Variants in DPPA2 observed in about 807,000 individuals in gnomAD.
The protein encoded by DPPA2 is developmental pluripotency-associated protein 2.
In DPPA2, 26 loss-of-function variants were observed where a neutral mutation model predicts 36.2. That is an observed-to-expected ratio of 0.72 (90% CI 0.53 to 1.00). The LOEUF is 1.00. DPPA2 is among the 50% of genes least tolerant of loss of function. The pLI is 0.00. For missense variants in DPPA2, 361 were observed against 365.1 expected (o/e 0.99, Z 0.09); for synonymous variants, 113 against 123.2 (o/e 0.92, Z 0.55).
At chr3:109,300,283 CAG>C in intron 8 of DPPA2, 86 bp downstream of exon 8, 2 of 1,055,020 alleles carry the variant, frequency 1.9e-6, no homozygotes, top group Non-Finnish European at 2.9e-6. Flanking sequence ...AGGGGGAAGG[CAG>C]AGAGTTTCTC....
At chr3:109,301,430 T>C (rs1007096171) in intron 7 of DPPA2, among the ~76,000 whole-genome samples, 7 of 152,076 alleles carry the variant, frequency 4.6e-5, no homozygotes, top group Non-Finnish European at 5.9e-5. Flanking sequence ...GGCGAGTGGA[T>C]CACTTGAGGT....
chr3:109,298,131 C>T (rs1010118256), intron 8 of DPPA2, among the ~76,000 whole-genome samples: 2 of 151,780 alleles, frequency 1.3e-5, no homozygotes, highest in South Asian at 2.1e-4. Flanking sequence ...TATGGGCTTG[C>T]GGGGAGGGAT....
Position 109,304,495 on chromosome 3 carries a change from T to A in DPPA2, c.834A>T (p.Leu278Phe), listed in dbSNP as rs777068533. 1.9e-6 allele frequency: 3 copies of A among 1,613,570 alleles called. No individual in the cohort carries two copies. The highest frequency in any genetic ancestry group is 3.3e-5 in the Admixed American group (2 of 59,904). The change falls in exon 7 of 9, where the codon TTA becomes TTT. Residue 278 changes from leucine to phenylalanine, a missense_variant. By Grantham distance (22) the Leu-to-Phe change is conservative. Coordinates refer to ENST00000478945, the MANE Select transcript of DPPA2 (RefSeq NM_138815.4). ...GTTACCTCTTAGCACAGTCGGGGCATAACATATTATCTTCTATGCCTGGGG... is the reference window on the plus strand; with the variant it reads ...GTTACCTCTTAGCACAGTCGGGGCAAAACATATTATCTTCTATGCCTGGGG... Reference protein sequence around the residue: ...FPSPGIEDNMLCPDCAKRNKK... With the variant: ...FPSPGIEDNMFCPDCAKRNKK...
intron 8 of DPPA2, among the ~76,000 whole-genome samples, chr3:109,296,676 CA>C (rs1293437527): frequency 1.2e-5 from 1 of 81,662 alleles, no homozygotes. Context: ...AACTCTGTCT[CA>C]AAAAAAATAA....
In DPPA2 at chr3:109,301,473, G is replaced by A. The variant is rs145819051; in HGVS notation, c.855-1038C>T. 6.6e-3 allele frequency among the ~76,000 whole-genome samples: 1,011 copies of A among 152,132 alleles called. 13 individuals are homozygous for A. The highest frequency in any genetic ancestry group is 0.023 in the African/African-American group (973 of 41,518). ...TCCAGACCAGCCTGGCCAACATGGT[G>A]AAACCCCATCTCCACTAAAAATACA... On this transcript the variant is annotated intron_variant, in intron 7 of 8. Transcript: ENST00000478945.
Position 109,309,157 on chromosome 3 carries a change from C to T in DPPA2, c.342+13G>A. The T allele has an allele frequency of 1.2e-6, 2 of 1,614,138 alleles. No individual in the cohort carries two copies. The highest frequency in any genetic ancestry group is 2.2e-5 in the East Asian group (1 of 44,868). ...TTATTCCCAGCAGCAGATATTCACCCAAGTGTACTAACCTTGCCATTAGTA... is the reference window on the plus strand; with the variant it reads ...TTATTCCCAGCAGCAGATATTCACCTAAGTGTACTAACCTTGCCATTAGTA... On this transcript the variant is annotated intron_variant, in intron 4 of 8. Transcript: ENST00000478945.
Position 109,304,456 on chromosome 3 carries a change from C to T in DPPA2, c.854+19G>A, listed in dbSNP as rs1707512308. 1 of 1,585,118 alleles carries T rather than the reference C, an allele frequency of 6.3e-7. No homozygotes were observed. The highest frequency in any genetic ancestry group is 1.4e-5 in the African/African-American group (1 of 73,910). On this transcript the variant is annotated intron_variant, in intron 7 of 8. Coordinates refer to ENST00000478945, the MANE Select transcript of DPPA2 (RefSeq NM_138815.4). The stretch of plus-strand genomic sequence containing the variant: ...CTACTTTTCTGTGTGCCATGCTTAA[C>T]AAGATACATAAGGGTTACCTCTTAG...
At chr3:109,311,478 G>A (rs914432841) in intron 3 of DPPA2, among the ~76,000 whole-genome samples, 5 of 152,090 alleles carry the variant, frequency 3.3e-5, no homozygotes, top group African/African-American at 7.2e-5. Flanking sequence ...AGTGGCTCAC[G>A]CCTGTAATCC....
chr3:109,300,460 G>T (rs1298599022), intron 7 of DPPA2, 25 bp from the exon 8 acceptor site: 6 of 1,609,002 alleles, frequency 3.7e-6, no homozygotes, highest in East Asian at 4.5e-5. Context: ...GAAAAGAACT[G>T]TGAAATATTG....
chr3:109,312,296 T>G lies in DPPA2; in HGVS notation c.181+249A>C, dbSNP rs928783763. On this transcript the variant is annotated intron_variant, in intron 3 of 8. Transcript: ENST00000478945. ...TTGCAGTGAGCCAAGACTGCGCCAC[T>G]GCACTCCAACCTGGGTGACACGGTG... 2.0e-5 allele frequency among the ~76,000 whole-genome samples: 3 copies of G among 152,194 alleles called. 1 individual carries two copies. In the South Asian group the frequency reaches 6.2e-4, roughly 31 times the overall value.
At chr3:109,312,432 T>G in intron 3 of DPPA2, 113 bp downstream of exon 3, 1,333 of 1,279,264 alleles carry the variant, frequency 1.0e-3, no homozygotes, top group Non-Finnish European at 1.3e-3. Flanking sequence ...ATTAACAAGG[T>G]GAGATTTAAG....
At position 109,304,636 on chromosome 3, in the gene DPPA2, G is replaced by A. The variant is rs1034096660; in HGVS notation, c.693C>T (p.Leu231=). The change falls in exon 7 of 9, where the codon CTC becomes CTT. Residue 231 remains leucine, a synonymous_variant. Transcript: ENST00000478945. ...VRWCVVHGRL[L]SADTKGWVRL... is the part of the protein sequence containing the mutation. ...GTACCCAACCCTTTGTGTCTGCCGAGAGAAGTCTGCCATGGACCACACACC... is the reference window on the plus strand; with the variant it reads ...GTACCCAACCCTTTGTGTCTGCCGAAAGAAGTCTGCCATGGACCACACACC... The A allele has an allele frequency of 2.5e-6, 4 of 1,612,220 alleles. No homozygotes were observed. Among genetic ancestry groups the A allele is most frequent in the Non-Finnish European group, 1.7e-6 (2 of 1,179,346 alleles).
At chr3:109,303,687 T>A (rs1478407064) in intron 7 of DPPA2, among the ~76,000 whole-genome samples, 1 of 152,114 alleles carries the variant, frequency 6.6e-6, no homozygotes, top group African/African-American at 2.4e-5. Context: ...CATTTTTAGT[T>A]GAGTAGGCTA....
intron 3 of DPPA2, among the ~76,000 whole-genome samples, chr3:109,310,160 G>A (rs1427601807): frequency 4.6e-5 from 7 of 150,628 alleles, no homozygotes; most frequent in East Asian, 2.0e-4. Context: ...CCTGGGAGGC[G>A]GAGGTTGTGG....
At chr3:109,298,798 C>T (rs994262513) in intron 8 of DPPA2, among the ~76,000 whole-genome samples, 2 of 148,302 alleles carry the variant, frequency 1.3e-5, no homozygotes, top group Admixed American at 6.8e-5. Context: ...GAAGATTAAG[C>T]GAGTGGATTG....
At chr3:109,307,458 C>A (rs1210482739) in intron 6 of DPPA2, among the ~76,000 whole-genome samples, 1 of 151,606 alleles carries the variant, frequency 6.6e-6, no homozygotes, top group Non-Finnish European at 1.5e-5. Flanking sequence ...AAAAAATTAG[C>A]TGGGCGTGGT....
intron 6 of DPPA2, among the ~76,000 whole-genome samples, chr3:109,305,731 G>A (rs140309950): frequency 8.5e-4 from 123 of 144,916 alleles, no homozygotes; most frequent in African/African-American, 2.8e-3. Context: ...CTGAGATCAC[G>A]CCATTGCACT....
intron 2 of DPPA2, among the ~76,000 whole-genome samples, chr3:109,313,912 C>T (rs1707749620): frequency 6.6e-6 from 1 of 152,120 alleles, no homozygotes. Context: ...CAATTCAGTC[C>T]TTTAGCCAGA....
chr3:109,299,432 C>G (rs1707418113), intron 8 of DPPA2, among the ~76,000 whole-genome samples: 1 of 151,592 alleles, frequency 6.6e-6, no homozygotes, highest in Admixed American at 6.6e-5. Flanking sequence ...GTTGCTTGAA[C>G]CCGGGAGGTG....
Sources: allele counts gnomAD v4.1 joint callset (sites outside exome capture counted in the v4.1 genomes callset), GRCh38; gene constraint gnomAD v4.1.1; transcripts MANE v1.5; gene names NCBI Gene and HGNC (gene_info 2026-07-23, HGNC 2026-07-21).